Variants in LOC122539214 observed in about 807,000 individuals in gnomAD.
chr19:52,687,046 T>TGGC, the LOC122539214 span, among the ~76,000 whole-genome samples: 2 of 151,640 alleles, frequency 1.3e-5, no homozygotes, highest in African/African-American at 4.8e-5. Flanking sequence ...CCCAGAGTGG[T>TGGC]GGCGCATGCC....
the LOC122539214 span, among the ~76,000 whole-genome samples, chr19:52,680,666 G>A: frequency 3.7e-4 from 48 of 130,574 alleles, no homozygotes; most frequent in Non-Finnish European, 2.8e-4. Context: ...AGGCTGGAGT[G>A]CAGTGGCGCG....
chr19:52,662,470 C>A, the LOC122539214 span, among the ~76,000 whole-genome samples: 1 of 151,616 alleles, frequency 6.6e-6, no homozygotes, highest in Non-Finnish European at 1.5e-5. Flanking sequence ...TGAAATGACA[C>A]GATATGGAAG....
the LOC122539214 span, among the ~76,000 whole-genome samples, chr19:52,664,272 G>C: frequency 6.6e-6 from 1 of 151,630 alleles, no homozygotes; most frequent in Admixed American, 6.6e-5. Context: ...GATGCGGCTG[G>C]ATCCCTTAAG....
chr19:52,652,087 G>T, the LOC122539214 span: 2 of 240,008 alleles, frequency 8.3e-6, no homozygotes, highest in Non-Finnish European at 8.3e-6. Flanking sequence ...TATTCCATTT[G>T]TAAGATTTCT....
chr19:52,662,440 G>A, the LOC122539214 span, among the ~76,000 whole-genome samples: 14 of 152,184 alleles, frequency 9.2e-5, no homozygotes, highest in Non-Finnish European at 1.5e-4. Flanking sequence ...ACATGGAGTC[G>A]TGTAGGTGGG....
the LOC122539214 span, among the ~76,000 whole-genome samples, chr19:52,683,663 G>C: frequency 6.6e-6 from 1 of 152,306 alleles, no homozygotes; most frequent in Non-Finnish European, 1.5e-5. Flanking sequence ...TGAAGATGCA[G>C]GGTCTGGTCT....
At chr19:52,665,892 G>A in the LOC122539214 span, among the ~76,000 whole-genome samples, 3 of 152,040 alleles carry the variant, frequency 2.0e-5, no homozygotes, top group Non-Finnish European at 2.9e-5. Context: ...CATGTGCGGT[G>A]GCTCACACCT....
At chr19:52,670,197 C>T in the LOC122539214 span, among the ~76,000 whole-genome samples, 4 of 151,990 alleles carry the variant, frequency 2.6e-5, no homozygotes, top group African/African-American at 4.8e-5. Context: ...TCATTCTGAT[C>T]ACCTGCCCCA....
chr19:52,657,241 A>T, the LOC122539214 span, among the ~76,000 whole-genome samples: 1 of 152,136 alleles, frequency 6.6e-6, no homozygotes, highest in Non-Finnish European at 1.5e-5. Flanking sequence ...CTACACAGAA[A>T]CTCTCGGGCT....
chr19:52,669,155 T>TA, the LOC122539214 span, among the ~76,000 whole-genome samples: 6 of 152,366 alleles, frequency 3.9e-5, no homozygotes, highest in South Asian at 1.0e-3. Context: ...AAGTGGCACT[T>TA]ATGCTTTAGT....
the LOC122539214 span, chr19:52,652,236 G>C: frequency 1.8e-5 from 4 of 226,558 alleles, no homozygotes; most frequent in African/African-American, 9.5e-5. Flanking sequence ...CAAGAGTTGA[G>C]AGCAACCAGG....
At chr19:52,689,462 C>T in the LOC122539214 span, among the ~76,000 whole-genome samples, 2 of 152,044 alleles carry the variant, frequency 1.3e-5, no homozygotes, top group Non-Finnish European at 2.9e-5. Context: ...GTTCTCCTTG[C>T]CACCAGCACC....
At chr19:52,654,646 G>A in the LOC122539214 span, among the ~76,000 whole-genome samples, 477 of 152,228 alleles carry the variant, frequency 3.1e-3, 4 homozygotes, top group African/African-American at 0.011. Context: ...GAACCTAGGA[G>A]GCAGAGATTG....
At chr19:52,689,620 C>A in the LOC122539214 span, among the ~76,000 whole-genome samples, 1 of 152,186 alleles carries the variant, frequency 6.6e-6, no homozygotes, top group African/African-American at 2.4e-5. Flanking sequence ...TTGCTTTTCT[C>A]CTCCTGCTTT....
chr19:52,653,431 C>T, the LOC122539214 span: 16 of 800,072 alleles, frequency 2.0e-5, no homozygotes, highest in African/African-American at 6.8e-5. Context: ...TCTGTTATGG[C>T]GTGAAAGGCA....
At chr19:52,684,764 G>T in the LOC122539214 span, among the ~76,000 whole-genome samples, 1 of 152,052 alleles carries the variant, frequency 6.6e-6, no homozygotes. Context: ...CAGGGACAAT[G>T]ACCTGAGACA....
the LOC122539214 span, among the ~76,000 whole-genome samples, chr19:52,666,272 A>AAG: frequency 1.3e-5 from 2 of 151,832 alleles, no homozygotes; most frequent in South Asian, 4.2e-4. Context: ...AGAGTCAGAA[A>AAG]AGAGAGAGAG....
At chr19:52,688,950 GAAAAAAAAAAA>G in the LOC122539214 span, among the ~76,000 whole-genome samples, 1 of 126,804 alleles carries the variant, frequency 7.9e-6, no homozygotes, top group African/African-American at 2.8e-5. Context: ...AAGGTTGAAG[GAAAAAAAAAAA>G]AAAAAAAAAA....
chr19:52,676,938 T>A, the LOC122539214 span, among the ~76,000 whole-genome samples: 8 of 140,016 alleles, frequency 5.7e-5, no homozygotes, highest in African/African-American at 2.2e-4. Context: ...GCATGCTCCT[T>A]AAGAGTCATC....
Sources: gnomAD v4.1 joint callset for allele counts (sites outside exome capture counted in the v4.1 genomes callset) on GRCh38, gnomAD v4.1.1 for gene constraint, MANE v1.5 for transcripts.